ZNF423: variants seen among roughly 807,000 people sequenced by gnomAD.
ZNF423 encodes the protein Ebf-associated zinc finger protein.
In ZNF423, 12 loss-of-function variants were observed where a neutral mutation model predicts 95.8. The observed-to-expected ratio is 0.13, with a 90% confidence interval of 0.08 to 0.20. The LOEUF is 0.20. Ranked by LOEUF, ZNF423 falls within the 10% of genes least tolerant of loss-of-function variation. The probability of loss-of-function intolerance (pLI) is 1.00; values close to 1 mark genes in which losing one functional copy is unlikely to be tolerated. For synonymous variants in ZNF423, 749 were observed against 711.9 expected, an observed-to-expected ratio of 1.05 and a Z score of -0.83; for missense variants, 1,316 against 1,737.1, an observed-to-expected ratio of 0.76 and a Z score of 4.31.
intron 7 of ZNF423, among the ~76,000 whole-genome samples, chr16:49,511,286 G>T (rs770785744): frequency 6.6e-6 from 1 of 152,176 alleles, no homozygotes; most frequent in Non-Finnish European, 1.5e-5. Context: ...TCACCCTCTA[G>T]AACGCCTGCC....
intron 5 of ZNF423, among the ~76,000 whole-genome samples, chr16:49,589,867 T>C (rs1970953272): frequency 6.6e-6 from 1 of 151,860 alleles, no homozygotes; most frequent in Non-Finnish European, 1.5e-5. Flanking sequence ...TAACGAGAGC[T>C]GAACAGAGGT....
intron 3 of ZNF423, among the ~76,000 whole-genome samples, chr16:49,660,271 G>A (rs1243106661): frequency 6.6e-6 from 1 of 152,142 alleles, no homozygotes; most frequent in East Asian, 1.9e-4. Context: ...ACTGTGGCAT[G>A]AATAAATGAA....
chr16:49,644,894 G>A (rs1973119908), intron 3 of ZNF423, among the ~76,000 whole-genome samples: 1 of 152,090 alleles, frequency 6.6e-6, no homozygotes, highest in Admixed American at 6.6e-5. Flanking sequence ...GGCACCAGTG[G>A]GAGTCATGCT....
intron 3 of ZNF423, among the ~76,000 whole-genome samples, chr16:49,696,554 G>A (rs1179633507): frequency 1.3e-5 from 2 of 152,138 alleles, no homozygotes; most frequent in African/African-American, 4.8e-5. Flanking sequence ...CGCCAGGCCT[G>A]GCTGGCCTCT....
chr16:49,638,195 G>T lies in ZNF423; in HGVS notation c.981C>A (p.Ala327=). ...ACATGGGGCACTTGTGTTTCTGGTTGGCGTGGGCTTGGTGGATATGGGCGA... is the reference window on the plus strand; with the variant it reads ...ACATGGGGCACTTGTGTTTCTGGTTTGCGTGGGCTTGGTGGATATGGGCGA... The part of the protein sequence containing the change: ...TLLAHIHQAH[A]NQKHKCPMCP... Residue 327 remains alanine (A), a synonymous_variant, in exon 4 of 8, where the codon GCC becomes GCA. Coordinates refer to ENST00000563137, the MANE Select transcript of ZNF423 (RefSeq NM_001379286.1). The surrounding 1 kb of genome is among the most constrained non-coding windows in gnomAD (Gnocchi z 5.6). 6.2e-7 allele frequency: 1 copy of T among 1,608,066 alleles called. No homozygotes were observed. The highest frequency in any genetic ancestry group is 8.5e-7 in the Non-Finnish European group (1 of 1,180,008).
At chr16:49,807,017 ACT>A in intron 1 of ZNF423, among the ~76,000 whole-genome samples, 1 of 147,568 alleles carries the variant, frequency 6.8e-6, no homozygotes, top group African/African-American at 2.5e-5. Context: ...ACAGAGCAAG[ACT>A]CTGACTCCAA....
chr16:49,513,593 C>T (rs1195045775), intron 7 of ZNF423, among the ~76,000 whole-genome samples: 2 of 151,786 alleles, frequency 1.3e-5, no homozygotes, highest in African/African-American at 4.8e-5. Flanking sequence ...GTTCTCTTTC[C>T]GACTTTCCAG....
intron 3 of ZNF423, among the ~76,000 whole-genome samples, chr16:49,675,850 G>GTGCACATGCAAGCCATATGTGCA (rs2031023022): frequency 6.6e-6 from 1 of 152,110 alleles, no homozygotes; most frequent in African/African-American, 2.4e-5. Context: ...ACGAGCCTGT[G>GTGCACATGCAAGCCATATGTGCA]TGCACATGCA....
In ZNF423 at chr16:49,637,598, G is replaced by C. The variant is rs527308029; in HGVS notation, c.1578C>G (p.Phe526Leu). 1 of 1,614,094 alleles carries C rather than the reference G, an allele frequency of 6.2e-7. No homozygotes were observed. The highest frequency in any genetic ancestry group is 8.5e-7 in the Non-Finnish European group (1 of 1,180,034). The change falls in exon 4 of 8, where the codon TTC becomes TTG. Residue 526 changes from phenylalanine to leucine, a missense_variant. Physicochemically the swap from Phe to Leu is conservative, Grantham distance 22. Coordinates refer to ENST00000563137, the MANE Select transcript of ZNF423 (RefSeq NM_001379286.1). This position sits in a 1 kb window ranked among gnomAD's most constrained non-coding sequence, Gnocchi z 5.6. ...ANPSDGNNAF[F>L]CNQCSMGFLT... is the part of the protein sequence containing the mutation. ...GGAAACCCATGGAGCACTGGTTGCA[G>C]AAGAAAGCATTATTACCGTCAGAGG... is the stretch of plus-strand genomic sequence containing the variant.
At chr16:49,677,282 A>AGAAGGGAAGGGAAGGGAAGGGAAGG (rs1567283970) in intron 3 of ZNF423, among the ~76,000 whole-genome samples, 3 of 81,500 alleles carry the variant, frequency 3.7e-5, no homozygotes, top group Non-Finnish European at 7.5e-5. Flanking sequence ...AGAAGAGAAG[A>AGAAGGGAAGGGAAGGGAAGGGAAGG]GAAGAGAAGA....
At chr16:49,804,307 A>G (rs867992218) in intron 1 of ZNF423, among the ~76,000 whole-genome samples, 1 of 152,288 alleles carries the variant, frequency 6.6e-6, no homozygotes, top group Middle Eastern at 3.4e-3. Context: ...TCCCATTTTC[A>G]GGAAGAATGA....
intron 5 of ZNF423, among the ~76,000 whole-genome samples, chr16:49,535,534 T>C (rs1597067430): frequency 1.3e-5 from 2 of 152,102 alleles, no homozygotes; most frequent in Non-Finnish European, 2.9e-5. Flanking sequence ...AGCTTCTTAA[T>C]AGAAAGAGAA....
intron 7 of ZNF423, chr16:49,518,090 GA>G: frequency 2.2e-6 from 1 of 445,734 alleles, no homozygotes; most frequent in Non-Finnish European, 4.5e-6. Context: ...ACTGACAATG[GA>G]AAAGTTCATT....
intron 5 of ZNF423, among the ~76,000 whole-genome samples, chr16:49,584,073 T>A (rs755951369): frequency 6.6e-6 from 1 of 152,120 alleles, no homozygotes; most frequent in Admixed American, 6.5e-5. Context: ...TTTGTAAATA[T>A]TGGTTTGTAG....
intron 3 of ZNF423, among the ~76,000 whole-genome samples, chr16:49,647,584 T>A (rs1055409682): frequency 6.6e-6 from 1 of 152,028 alleles, no homozygotes; most frequent in Non-Finnish European, 1.5e-5. Flanking sequence ...GGTGATGCAA[T>A]ATGAGAAGGA....
At chr16:49,632,642 C>T (rs1433718292) in intron 4 of ZNF423, among the ~76,000 whole-genome samples, 1 of 152,132 alleles carries the variant, frequency 6.6e-6, no homozygotes, top group Non-Finnish European at 1.5e-5. Context: ...GCTGTGCATC[C>T]TTGGGTATAT....
rs375010326 is a variant in ZNF423 at position 49,635,721 on chromosome 16, C to A, written c.3455G>T (p.Arg1152Leu). 1.5e-5 allele frequency: 24 copies of A among 1,609,804 alleles called. No individual in the cohort carries two copies. Among genetic ancestry groups the A allele is most frequent in the Admixed American group, 5.1e-5 (3 of 59,010 alleles). ...DLESHMQVDH[R>L]DLTPETSGPR... The stretch of plus-strand genomic sequence containing the variant: ...CCCACTGGTCTCCGGCGTGAGGTCA[C>A]GGTGGTCCACCTGCATGTGGCTCTC... The change falls in exon 4 of 8, where the codon CGT (arginine) becomes CTT (leucine). Residue 1152 changes from arginine (R) to leucine (L), a missense_variant. This residue lies in a region of ZNF423 where 620 missense variants were observed against 775.6 expected (regional missense o/e 0.80). Coordinates refer to ENST00000563137, the MANE Select transcript of ZNF423 (RefSeq NM_001379286.1). This position sits in a 1 kb window ranked among gnomAD's most constrained non-coding sequence, Gnocchi z 4.8.
intron 2 of ZNF423, chr16:49,764,733 C>T (rs1335833767): frequency 1.3e-5 from 2 of 151,864 alleles, no homozygotes; most frequent in Non-Finnish European, 2.9e-5. Flanking sequence ...ACGACACCCA[C>T]CTCTTTTTTC....
chr16:49,522,071 T>C (rs966223774), intron 7 of ZNF423, among the ~76,000 whole-genome samples: 6 of 152,178 alleles, frequency 3.9e-5, no homozygotes, highest in African/African-American at 1.4e-4. Flanking sequence ...ATGGTGTAAG[T>C]GGCCCCAGCC....
Sources: gnomAD v4.1 joint callset for allele counts (sites outside exome capture counted in the v4.1 genomes callset) on GRCh38, gnomAD v4.1.1 for gene constraint, gnomAD v4.1.1 regional missense constraint, Gnocchi (gnomAD v3.1) non-coding constraint, MANE v1.5 for transcripts, NCBI Gene and HGNC (gene_info 2026-07-23, HGNC 2026-07-21) for gene names.